Variants in HELZ observed in about 807,000 individuals in gnomAD.
The protein encoded by HELZ is helicase with zinc finger, also known as ATP-dependent RNA helicase with zinc finger domain.
HELZ carries 23 observed loss-of-function variants against 218.2 expected under a neutral mutation model. The observed-to-expected ratio is 0.11, with a 90% CI of 0.08 to 0.15. HELZ has a LOEUF of 0.15. Ranked by LOEUF, HELZ falls within the 10% of genes least tolerant of loss-of-function variation. The probability of loss-of-function intolerance (pLI) is 1.00; values close to 1 mark genes in which losing one functional copy is unlikely to be tolerated. For missense variants in HELZ, 1,813 were observed against 2,353.7 expected (o/e 0.77, Z 4.75); for synonymous variants, 814 against 829.4 (o/e 0.98, Z 0.32).
At chr17:67,192,158 TG>T (rs2039915278) in intron 9 of HELZ, among the ~76,000 whole-genome samples, 4 of 151,948 alleles carry the variant, frequency 2.6e-5, no homozygotes, top group Admixed American at 2.0e-4. Flanking sequence ...GCCGAGATCA[TG>T]CCATTGCACT....
intron 2 of HELZ, among the ~76,000 whole-genome samples, chr17:67,243,319 T>C (rs144462445): frequency 2.0e-4 from 30 of 152,314 alleles, no homozygotes; most frequent in African/African-American, 6.3e-4. Flanking sequence ...GCAGGAGTGA[T>C]TGACCTGCCT....
rs534209842 is a variant in HELZ at position 67,203,632 on chromosome 17, C to T, written c.248-189G>A. Among the ~76,000 whole-genome samples, 10 of 152,248 alleles carry T rather than the reference C, an allele frequency of 6.6e-5. No individual in the cohort carries two copies. In the South Asian group the frequency reaches 8.3e-4, roughly 13 times the overall value. On this transcript the variant is annotated intron_variant, in intron 5 of 32. Transcript: ENST00000358691. ...GCATATAAGAACAAGAAAAAACATG[C>T]GGCAATAAACATACCGAACTTACAA...
intron 5 of HELZ, among the ~76,000 whole-genome samples, chr17:67,208,793 C>T (rs145373868): frequency 0.011 from 1,632 of 151,488 alleles, 19 homozygotes; most frequent in South Asian, 0.018. Context: ...AAAAATTAGC[C>T]GGTTGTGGTG....
intron 5 of HELZ, among the ~76,000 whole-genome samples, chr17:67,212,841 TA>T (rs887510555): frequency 1.3e-5 from 2 of 152,194 alleles, no homozygotes; most frequent in Non-Finnish European, 2.9e-5. Context: ...TGACTTAGGA[TA>T]GTATCCCAGA....
intron 2 of HELZ, 125 bp from the exon 3 acceptor site, chr17:67,239,614 TA>T (rs1407944569): frequency 1.3e-5 from 2 of 152,222 alleles, no homozygotes; most frequent in African/African-American, 4.8e-5. Context: ...ACTAGTTCAA[TA>T]AAATGTAGCA....
chr17:67,124,035 G>A, intron 24 of HELZ, 21 bp from the exon 25 acceptor site: 1 of 1,489,448 alleles, frequency 6.7e-7, no homozygotes, highest in African/African-American at 1.4e-5. Context: ...AAACACAAAT[G>A]TATAATAATT....
In HELZ at chr17:67,151,230, AAAG is replaced by A. The variant is rs1567844410; in HGVS notation, c.2178-9_2178-7del. Reference sequence around the variant, plus strand: ...AGCGATTTCTGAAATATACCCTGGAAAAGAAGAAAATATTTCTGATTTACATTT... The same window carrying A: ...AGCGATTTCTGAAATATACCCTGGAAAAGAAAATATTTCTGATTTACATTT... On this transcript the variant is annotated splice_polypyrimidine_tract_variant and splice_region_variant and intron_variant, in intron 17 of 32. Transcript: ENST00000358691. 1 of 1,594,030 alleles carries A rather than the reference AAAG, an allele frequency of 6.3e-7. No individual in the cohort carries two copies. Among genetic ancestry groups the A allele is most frequent in the Non-Finnish European group, 8.6e-7 (1 of 1,166,430 alleles).
chr17:67,161,148 T>C, intron 15 of HELZ, 72 bp from the exon 16 acceptor site: 1 of 1,118,814 alleles, frequency 8.9e-7, no homozygotes, highest in South Asian at 1.8e-5. Flanking sequence ...ACGAGTATCG[T>C]GAATTTCAGT....
intron 21 of HELZ, among the ~76,000 whole-genome samples, chr17:67,139,762 A>G (rs1430492150): frequency 5.3e-5 from 8 of 152,202 alleles, no homozygotes; most frequent in Non-Finnish European, 7.3e-5. Flanking sequence ...CAGCTCTTAC[A>G]GAACTGTTTT....
At chr17:67,118,692 C>CAAAAAAAAAAAAAAA (rs142101119) in intron 27 of HELZ, among the ~76,000 whole-genome samples, 1 of 44,916 alleles carries the variant, frequency 2.2e-5, no homozygotes, top group Admixed American at 4.0e-4. Context: ...CTTTAAAAGG[C>CAAAAAAAAAAAAAAA]AAAAAAAAAA....
At chr17:67,124,692 G>A (rs2143850761) in intron 24 of HELZ, among the ~76,000 whole-genome samples, 1 of 152,052 alleles carries the variant, frequency 6.6e-6, no homozygotes, top group South Asian at 2.1e-4. Context: ...CATGCATTTG[G>A]GCACAGAGAG....
chr17:67,164,206 T>C (rs1367130875), intron 15 of HELZ, among the ~76,000 whole-genome samples: 1 of 152,176 alleles, frequency 6.6e-6, no homozygotes, highest in Non-Finnish European at 1.5e-5. Context: ...TGTCTAGAAA[T>C]GTTCACGAAT....
chr17:67,078,281 T>G lies in HELZ; in HGVS notation c.5800A>C (p.Ser1934Arg). 1 of 1,613,778 alleles carries G rather than the reference T, an allele frequency of 6.2e-7. No individual in the cohort carries two copies. Among genetic ancestry groups the G allele is most frequent in the East Asian group, 2.2e-5 (1 of 44,886 alleles). ...QELSLGSSSG[S>R]NGFYSYFK ...TTAAAATATGAGTAAAAGCCATTGC[T>G]GCCAGATGAGCTCCCTAGGCTCAGT... is the stretch of plus-strand genomic sequence containing the variant. The change falls in exon 33 of 33, where the codon AGC becomes CGC. Residue 1934 changes from serine to arginine, a missense_variant. Coordinates refer to ENST00000358691, the MANE Select transcript of HELZ (RefSeq NM_014877.4).
At chr17:67,119,003 G>C (rs544872192) in intron 27 of HELZ, among the ~76,000 whole-genome samples, 183 of 152,202 alleles carry the variant, frequency 1.2e-3, no homozygotes, top group Non-Finnish European at 2.3e-3. Context: ...AAAAAAGACT[G>C]AGCATACCAA....
chr17:67,132,753 G>GA (rs1197688658), intron 23 of HELZ, among the ~76,000 whole-genome samples: 3 of 151,892 alleles, frequency 2.0e-5, no homozygotes, highest in East Asian at 1.9e-4. Context: ...TTGATTAACA[G>GA]AAAAAAATCT....
chr17:67,145,878 C>T lies in HELZ; in HGVS notation c.2634G>A (p.Glu878=), dbSNP rs375223645. Residue 878 remains glutamate, a synonymous_variant, in exon 21 of 33, where the codon GAG becomes GAA. Coordinates refer to ENST00000358691, the MANE Select transcript of HELZ (RefSeq NM_014877.4). ...SHEAIINYTS[E]LFYEGKLMAS... The stretch of plus-strand genomic sequence containing the variant: ...CCATCAGTTTGCCCTCATAGAAAAG[C>T]TCAGAGGTATAACTGCAGTAAAAGA... 5.6e-6 allele frequency: 9 copies of T among 1,612,182 alleles called. No individual in the cohort carries two copies. Among genetic ancestry groups the T allele is most frequent in the Non-Finnish European group, 7.6e-6 (9 of 1,179,522 alleles).
At chr17:67,209,431 C>T (rs1598427456) in intron 5 of HELZ, among the ~76,000 whole-genome samples, 1 of 152,066 alleles carries the variant, frequency 6.6e-6, no homozygotes, top group East Asian at 1.9e-4. Context: ...AACCCCGTCA[C>T]TACTAAAAAT....
chr17:67,080,950 T>A (rs141345039), intron 32 of HELZ, among the ~76,000 whole-genome samples: 1 of 152,192 alleles, frequency 6.6e-6, no homozygotes, highest in East Asian at 1.9e-4. Context: ...TAAGCTTAAA[T>A]TGGACACGTA....
chr17:67,086,120 C>T lies in HELZ; in HGVS notation c.5494+709G>A, dbSNP rs1202076953. Reference sequence around the variant, plus strand: ...AAAACATTCATCTAACCAGCTCCCACTCACCCCCCTCAGCCCTGAAGGAAA... The same window carrying T: ...AAAACATTCATCTAACCAGCTCCCATTCACCCCCCTCAGCCCTGAAGGAAA... On this transcript the variant is annotated intron_variant, in intron 32 of 32. Transcript: ENST00000358691. Among the ~76,000 whole-genome samples, 4 of 152,144 alleles carry T rather than the reference C, an allele frequency of 2.6e-5. No individual in the cohort carries two copies. The East Asian group carries it at 5.8e-4, about 22-fold the overall frequency.
Sources: gnomAD v4.1 joint callset for allele counts (sites outside exome capture counted in the v4.1 genomes callset) on GRCh38, gnomAD v4.1.1 for gene constraint, MANE v1.5 for transcripts, NCBI Gene and HGNC (gene_info 2026-07-23, HGNC 2026-07-21) for gene names.